Variants in MYO16 observed in about 807,000 individuals in gnomAD.
MYO16 encodes the protein unconventional myosin-XVI.
MYO16 carries 94 observed loss-of-function variants against 205.3 expected under a neutral mutation model. That is an observed-to-expected ratio of 0.46 (90% confidence interval 0.39 to 0.54). MYO16 has a LOEUF of 0.54. Ranked by LOEUF, MYO16 falls within the 20% of genes least tolerant of loss-of-function variation. MYO16 has a pLI of 0.00. For synonymous variants in MYO16, 988 were observed against 954.0 expected (o/e 1.04, Z -0.66); for missense variants, 2,315 against 2,387.5 (o/e 0.97, Z 0.63).
At position 109,141,371 on chromosome 13, in the gene MYO16, C is replaced by A; in HGVS notation, c.5159C>A (p.Ala1720Glu). ...KSAAGRKIRE[A>E]EGFETNMNIS... is the part of the protein sequence containing the mutation. Reference sequence around the variant, plus strand: ...GCGGCGGGAAGAAAAATCAGGGAAGCAGAAGGTAAGCGGAGCAGACATCCC... The same window carrying A: ...GCGGCGGGAAGAAAAATCAGGGAAGAAGAAGGTAAGCGGAGCAGACATCCC... The change falls in exon 32 of 35, where the codon GCA becomes GAA. Residue 1720 changes from alanine (A) to glutamate (E), a missense_variant. Physicochemically the swap from Ala to Glu is moderately radical, Grantham distance 107. Around this residue, in one of 3 missense-constraint regions of MYO16, gnomAD observed 1,097 missense variants for 1,092.0 expected, o/e 1.00. Coordinates refer to ENST00000457511, the MANE Select transcript of MYO16 (RefSeq NM_001198950.3). The surrounding 1 kb of genome is among the most constrained non-coding windows in gnomAD (Gnocchi z 4.1). 6.5e-7 allele frequency: 1 copy of A among 1,526,800 alleles called. No individual in the cohort carries two copies. The highest frequency in any genetic ancestry group is 8.8e-7 in the Non-Finnish European group (1 of 1,138,906). 94.6% of individuals were successfully genotyped at this position (1,526,800 alleles called of 1,614,324 possible).
intron 34 of MYO16, among the ~76,000 whole-genome samples, chr13:109,201,772 C>T (rs2139972612): frequency 6.6e-6 from 1 of 152,116 alleles, no homozygotes; most frequent in African/African-American, 2.4e-5. Flanking sequence ...TCCTTCCAGT[C>T]CCAAAGTCCA....
intron 2 of MYO16, among the ~76,000 whole-genome samples, chr13:108,705,158 T>C (rs575123772): frequency 1.3e-4 from 20 of 152,324 alleles, no homozygotes; most frequent in Non-Finnish European, 2.4e-4. Context: ...AATAGCATAG[T>C]GAAACCCTGT....
the MYO16 span, among the ~76,000 whole-genome samples, chr13:108,498,324 T>A: frequency 6.6e-6 from 1 of 152,174 alleles, no homozygotes; most frequent in African/African-American, 2.4e-5. Context: ...AGGTAATTTT[T>A]TTTTCAAGAT....
At chr13:108,847,190 A>G (rs1313193067) in intron 10 of MYO16, among the ~76,000 whole-genome samples, 1 of 152,236 alleles carries the variant, frequency 6.6e-6, no homozygotes, top group African/African-American at 2.4e-5. Flanking sequence ...CGACATAAAA[A>G]TATCAAGTGT....
At position 109,179,648 on chromosome 13, in the gene MYO16, C is replaced by T; in HGVS notation, c.5415+15C>T. ...ACACCACTCAGGTAATGATGTCTGT[C>T]TGTTCACATGTGCAGTGACAAATGG... On this transcript the variant is annotated intron_variant, in intron 34 of 34. Transcript: ENST00000457511. The T allele has an allele frequency of 6.3e-7, 1 of 1,588,280 alleles. No individual in the cohort carries two copies. Among genetic ancestry groups the T allele is most frequent in the South Asian group, 1.1e-5 (1 of 90,528 alleles).
intron 4 of MYO16, among the ~76,000 whole-genome samples, chr13:108,740,675 C>T (rs1310878293): frequency 6.6e-6 from 1 of 152,162 alleles, no homozygotes; most frequent in Non-Finnish European, 1.5e-5. Context: ...CAGACAGGGA[C>T]ATTTAAATCT....
chr13:108,858,789 C>T (rs1281835374), intron 11 of MYO16, among the ~76,000 whole-genome samples: 1 of 152,180 alleles, frequency 6.6e-6, no homozygotes, highest in African/African-American at 2.4e-5. Context: ...CTCAGTAAAG[C>T]CAGAGTCTGA....
intron 1 of MYO16, among the ~76,000 whole-genome samples, chr13:108,610,319 CTAA>C (rs1212849034): frequency 1.3e-5 from 2 of 152,158 alleles, no homozygotes; most frequent in African/African-American, 4.8e-5. Context: ...ATTAAGTTTA[CTAA>C]TATTTGCCTG....
intron 2 of MYO16, among the ~76,000 whole-genome samples, chr13:108,703,495 A>C (rs1594224482): frequency 6.6e-6 from 1 of 152,296 alleles, no homozygotes; most frequent in East Asian, 1.9e-4. Context: ...TACCTTTCAC[A>C]GCAATGGATG....
chr13:108,926,613 G>A (rs543505370), intron 16 of MYO16, among the ~76,000 whole-genome samples: 8 of 152,102 alleles, frequency 5.3e-5, no homozygotes, highest in African/African-American at 9.7e-5. Context: ...ACAGGAGGGC[G>A]TGAGTGGAAC....
intron 2 of MYO16, among the ~76,000 whole-genome samples, chr13:108,687,969 G>C (rs1448856123): frequency 6.6e-6 from 1 of 152,186 alleles, no homozygotes; most frequent in Non-Finnish European, 1.5e-5. Flanking sequence ...GGAAGAGGCA[G>C]AGTGACTATA....
chr13:109,086,987 A>C (rs1189543589), intron 27 of MYO16, among the ~76,000 whole-genome samples: 1 of 152,250 alleles, frequency 6.6e-6, no homozygotes, highest in African/African-American at 2.4e-5. Flanking sequence ...CTCACGGGCC[A>C]AATGTTTATT....
At chr13:108,688,814 A>G (rs1320591832) in intron 2 of MYO16, among the ~76,000 whole-genome samples, 1 of 152,208 alleles carries the variant, frequency 6.6e-6, no homozygotes, top group Non-Finnish European at 1.5e-5. Context: ...TTTTGGAAGC[A>G]GTGATGTGTG....
the MYO16 span, among the ~76,000 whole-genome samples, chr13:108,571,730 G>C: frequency 6.7e-6 from 1 of 149,706 alleles, no homozygotes; most frequent in Non-Finnish European, 1.5e-5. Flanking sequence ...TGTCTGAATA[G>C]TTCAAAACAA....
chr13:108,753,432 T>C (rs1472203713), intron 4 of MYO16, among the ~76,000 whole-genome samples: 10 of 151,216 alleles, frequency 6.6e-5, no homozygotes, highest in Admixed American at 6.6e-4. Flanking sequence ...AAGGATTATA[T>C]GTTTTTTGTA....
chr13:108,898,329 G>A (rs1325935323), intron 15 of MYO16, among the ~76,000 whole-genome samples, 196 bp downstream of exon 15: 1 of 137,136 alleles, frequency 7.3e-6, no homozygotes, highest in African/African-American at 2.6e-5. Context: ...TCAATACTCA[G>A]GCACTCAGTT....
At chr13:108,862,985 A>G (rs951944129) in intron 11 of MYO16, among the ~76,000 whole-genome samples, 8 of 152,096 alleles carry the variant, frequency 5.3e-5, no homozygotes, top group Admixed American at 1.3e-4. Context: ...TATGGAAAAT[A>G]AGAAGAAAAA....
At chr13:108,713,581 C>G (rs1417488389) in intron 3 of MYO16, among the ~76,000 whole-genome samples, 1 of 152,110 alleles carries the variant, frequency 6.6e-6, no homozygotes, top group Admixed American at 6.5e-5. Flanking sequence ...CTTATTTTTT[C>G]TGGGATGTAG....
intron 4 of MYO16, among the ~76,000 whole-genome samples, chr13:108,762,129 G>A (rs1189872431): frequency 6.6e-6 from 1 of 152,140 alleles, no homozygotes; most frequent in East Asian, 1.9e-4. Flanking sequence ...TTTCACTTAA[G>A]ATAGTGGCCT....
Sources: allele counts gnomAD v4.1 joint callset (sites outside exome capture counted in the v4.1 genomes callset), GRCh38; gene constraint gnomAD v4.1.1; regional missense constraint gnomAD v4.1.1; non-coding constraint Gnocchi (gnomAD v3.1); transcripts MANE v1.5; gene names NCBI Gene and HGNC (gene_info 2026-07-23, HGNC 2026-07-21).